SUMF1: variants seen among roughly 807,000 people sequenced by gnomAD.
SUMF1 encodes the protein formylglycine-generating enzyme.
In SUMF1, 48 loss-of-function variants were observed where a neutral mutation model predicts 47.6. The ratio of observed to expected loss-of-function variants is 1.01; its 90% CI spans 0.80 to 1.28. The LOEUF (loss-of-function observed/expected upper bound fraction) is 1.28, where lower values mean the gene tolerates loss of function less well. Ranked by LOEUF, SUMF1 falls within the 50% of genes most tolerant of loss-of-function variation. SUMF1 has a pLI of 0.00. For synonymous variants in SUMF1, 230 were observed against 192.1 expected (o/e 1.20, Z -1.63); for missense variants, 571 against 485.4 (o/e 1.18, Z -1.66).
chr3:4,113,522 T>A (rs1371147520), intron 8 of SUMF1, among the ~76,000 whole-genome samples: 1 of 150,704 alleles, frequency 6.6e-6, no homozygotes, highest in Non-Finnish European at 1.5e-5. Context: ...TGAGACCCTG[T>A]CACCGCCCCC....
chr3:4,290,905 C>A (rs749898585), intron 8 of SUMF1, among the ~76,000 whole-genome samples: 82 of 151,378 alleles, frequency 5.4e-4, no homozygotes, highest in Non-Finnish European at 8.1e-4. Flanking sequence ...GGTGCATTTA[C>A]AAAATGGAAG....
rs755056347 is a variant in SUMF1 at position 4,410,894 on chromosome 3, G to C, written c.925C>G (p.His309Asp). Residue 309 changes from histidine to aspartate, a missense_variant, in exon 7 of 9, where the codon CAT (histidine) becomes GAT (aspartate). By Grantham distance (81) the His-to-Asp change is moderately conservative. Coordinates refer to ENST00000272902, the MANE Select transcript of SUMF1 (RefSeq NM_182760.4). ...WEWTSDWWTV[H>D]HSVEETLNPK... is the part of the protein sequence containing the mutation. The stretch of plus-strand genomic sequence containing the variant: ...TTAAGCGTTTCTTCAACAGAATGAT[G>C]AACAGTCCACCAGTCTGAAGTCCAT... 6.2e-7 allele frequency: 1 copy of C among 1,614,062 alleles called. No individual in the cohort carries two copies.
chr3:4,378,870 T>C (rs1233728817), intron 7 of SUMF1, among the ~76,000 whole-genome samples: 1 of 152,130 alleles, frequency 6.6e-6, no homozygotes, highest in Non-Finnish European at 1.5e-5. Context: ...ACTCCTCAAG[T>C]AGATCTAGGA....
intron 8 of SUMF1, among the ~76,000 whole-genome samples, chr3:4,328,008 G>C (rs1260525825): frequency 1.3e-5 from 2 of 152,118 alleles, no homozygotes; most frequent in Admixed American, 6.5e-5. Context: ...TCGAGTCTAG[G>C]AATTCAAGAC....
At chr3:4,362,524 A>G (rs1035641674) in intron 8 of SUMF1, among the ~76,000 whole-genome samples, 1 of 152,280 alleles carries the variant, frequency 6.6e-6, no homozygotes, top group East Asian at 1.9e-4. Flanking sequence ...GTAACAACCA[A>G]TGATTGCCTA....
chr3:4,183,373 T>C (rs1237098063), intron 8 of SUMF1, among the ~76,000 whole-genome samples: 2 of 152,182 alleles, frequency 1.3e-5, no homozygotes, highest in African/African-American at 4.8e-5. Flanking sequence ...TTAATTATAG[T>C]CCTGATGCTT....
intron 8 of SUMF1, among the ~76,000 whole-genome samples, chr3:4,133,931 C>T (rs911996050): frequency 4.6e-5 from 7 of 152,122 alleles, no homozygotes; most frequent in East Asian, 1.9e-4. Flanking sequence ...TGGGAACACA[C>T]GGGCAGACTG....
chr3:4,113,808 G>T (rs767966364), intron 8 of SUMF1, among the ~76,000 whole-genome samples: 3 of 152,088 alleles, frequency 2.0e-5, no homozygotes, highest in Non-Finnish European at 2.9e-5. Flanking sequence ...TTAATGTGGG[G>T]TAGGCAGATA....
intron 8 of SUMF1, among the ~76,000 whole-genome samples, chr3:4,103,385 T>A: frequency 6.6e-6 from 1 of 152,070 alleles, no homozygotes; most frequent in Middle Eastern, 3.2e-3. Context: ...CTAAAAGGAA[T>A]ACTATAGGAA....
intron 8 of SUMF1, among the ~76,000 whole-genome samples, chr3:4,350,253 A>C (rs564802674): frequency 2.9e-4 from 44 of 150,798 alleles, no homozygotes; most frequent in South Asian, 1.3e-3. Context: ...CAAACTCCTG[A>C]CCTCGTGATC....
intron 8 of SUMF1, among the ~76,000 whole-genome samples, chr3:4,231,199 C>T (rs1575001081): frequency 1.3e-5 from 2 of 152,202 alleles, no homozygotes; most frequent in South Asian, 2.1e-4. Flanking sequence ...GAGGTGGGAA[C>T]GCATTTATTA....
chr3:4,098,138 T>TAAA (rs1238812640), intron 8 of SUMF1, among the ~76,000 whole-genome samples: 1 of 152,100 alleles, frequency 6.6e-6, no homozygotes, highest in Non-Finnish European at 1.5e-5. Context: ...TCTTTAATGC[T>TAAA]AAAGTTCACT....
intron 8 of SUMF1, among the ~76,000 whole-genome samples, chr3:4,204,088 C>T (rs1695599526): frequency 6.6e-6 from 1 of 152,022 alleles, no homozygotes; most frequent in South Asian, 2.1e-4. Flanking sequence ...TTTGTGCCTT[C>T]AGATGATTTC....
rs1004083382 is a variant in SUMF1, at chr3:4,361,383, C to T, written c.*761G>A. 1 of 152,584 alleles carries T rather than the reference C, an allele frequency of 6.6e-6. No homozygotes were observed. Among genetic ancestry groups the T allele is most frequent in the Non-Finnish European group, 1.5e-5 (1 of 68,072 alleles). The allele number at this position is 152,584 out of a possible 1,614,324, so 9.5% of individuals were successfully genotyped here. A position where few individuals can be genotyped will look rare whatever the true frequency, so the allele number is the denominator to read the frequency against. On this transcript the variant is annotated 3_prime_UTR_variant, in exon 9 of 9. Transcript: ENST00000272902. ...GGGGGAAACAGAGCTTATGACTGCC[C>T]CTCTGAACCAAAGGCACTTAATGTT...
chr3:4,081,411 T>C (rs1692557498), intron 8 of SUMF1, among the ~76,000 whole-genome samples: 1 of 152,164 alleles, frequency 6.6e-6, no homozygotes, highest in African/African-American at 2.4e-5. Flanking sequence ...GCACCGTTCC[T>C]AGCATATAGT....
chr3:4,118,907 T>C (rs1693478260), intron 8 of SUMF1, among the ~76,000 whole-genome samples: 1 of 152,138 alleles, frequency 6.6e-6, no homozygotes, highest in Non-Finnish European at 1.5e-5. Flanking sequence ...TACTCCTAAG[T>C]TTTGATTTCC....
In SUMF1 at chr3:4,319,526, A is replaced by G. The variant is rs145733738; in HGVS notation, c.1014+56804T>C. ...CTGGTGAGTTTAAGTCCCTTGCCTG[A>G]GGATCAGTTCCCTGAGGGAGGAACT... On this transcript the variant is annotated intron_variant and NMD_transcript_variant, in intron 8 of 12. Transcript: ENST00000448413. Among the ~76,000 whole-genome samples the G allele has an allele frequency of 1.4e-3, 215 of 152,322 alleles. 1 individual carries two copies. The highest frequency in any genetic ancestry group is 5.0e-3 in the African/African-American group (207 of 41,576).
intron 8 of SUMF1, among the ~76,000 whole-genome samples, chr3:4,265,136 C>CA (rs71043507): frequency 0.11 from 7,647 of 72,796 alleles, 718 homozygotes; most frequent in African/African-American, 0.25. Context: ...GACTCCATCT[C>CA]AAAAAAAAAA....
At chr3:4,421,852 T>C (rs1701910444) in intron 3 of SUMF1, among the ~76,000 whole-genome samples, 1 of 152,144 alleles carries the variant, frequency 6.6e-6, no homozygotes, top group Non-Finnish European at 1.5e-5. Flanking sequence ...CCCACAACAA[T>C]GTTACTCTTT....
Sources: allele counts gnomAD v4.1 joint callset (sites outside exome capture counted in the v4.1 genomes callset), GRCh38; gene constraint gnomAD v4.1.1; transcripts MANE v1.5; gene names NCBI Gene and HGNC (gene_info 2026-07-23, HGNC 2026-07-21).